The following ENTREP2 variants were observed in gnomAD, a reference collection of about 807,000 sequenced individuals.
ENTREP2 encodes protein ENTREP2.
the ENTREP2 span, among the ~76,000 whole-genome samples, chr15:29,183,436 G>C: frequency 2.0e-5 from 3 of 152,178 alleles, no homozygotes; most frequent in Non-Finnish European, 4.4e-5. Flanking sequence ...AAGTCTGCAG[G>C]CTGGAGAAAA....
the ENTREP2 span, among the ~76,000 whole-genome samples, chr15:29,590,186 G>A: frequency 2.6e-5 from 4 of 152,150 alleles, no homozygotes; most frequent in East Asian, 1.9e-4. Context: ...CTGGTTCCCT[G>A]AGTGTTCTCT....
chr15:29,407,842 G>GGT, the ENTREP2 span, among the ~76,000 whole-genome samples: 15 of 151,522 alleles, frequency 9.9e-5, no homozygotes, highest in African/African-American at 2.9e-4. Context: ...ATTTTTTGGG[G>GGT]TTTTTTTTGC....
At chr15:29,603,296 C>A in the ENTREP2 span, among the ~76,000 whole-genome samples, 1 of 152,200 alleles carries the variant, frequency 6.6e-6, no homozygotes, top group South Asian at 2.1e-4. Context: ...CCCAGAACAG[C>A]AGCATCAGCA....
the ENTREP2 span, among the ~76,000 whole-genome samples, chr15:29,544,380 T>C: frequency 6.6e-6 from 1 of 152,186 alleles, no homozygotes; most frequent in Admixed American, 6.6e-5. Context: ...GGTACAGAGC[T>C]TCACTTTTGC....
At chr15:29,593,592 C>G in the ENTREP2 span, among the ~76,000 whole-genome samples, 1 of 152,242 alleles carries the variant, frequency 6.6e-6, no homozygotes, top group Admixed American at 6.5e-5. Context: ...AGCTTGCTCA[C>G]TCAGCAATGT....
chr15:29,311,059 C>G, the ENTREP2 span, among the ~76,000 whole-genome samples: 2 of 150,194 alleles, frequency 1.3e-5, no homozygotes, highest in Non-Finnish European at 2.9e-5. Flanking sequence ...TGAAGAGGAC[C>G]CGTAAGGAGA....
chr15:29,674,645 G>C, the ENTREP2 span, among the ~76,000 whole-genome samples: 1 of 151,788 alleles, frequency 6.6e-6, no homozygotes. Context: ...TAAGAATATC[G>C]AGGGATGGAA....
chr15:29,644,813 TAAAAAAAA>T, the ENTREP2 span, among the ~76,000 whole-genome samples: 134 of 61,262 alleles, frequency 2.2e-3, 5 homozygotes, highest in South Asian at 0.056. Context: ...TCCATCTCCA[TAAAAAAAA>T]AAAAAAGAAA....
chr15:29,534,106 C>CAAAA, the ENTREP2 span, among the ~76,000 whole-genome samples: 76 of 44,924 alleles, frequency 1.7e-3, no homozygotes, highest in Non-Finnish European at 2.4e-3. Context: ...GCCCCTTGGC[C>CAAAA]AAAAAAAAAA....
chr15:29,653,045 C>T, the ENTREP2 span, among the ~76,000 whole-genome samples: 1 of 152,144 alleles, frequency 6.6e-6, no homozygotes, highest in Non-Finnish European at 1.5e-5. Flanking sequence ...ATCCTTGGAT[C>T]CATGTATCCC....
the ENTREP2 span, among the ~76,000 whole-genome samples, chr15:29,203,449 C>G: frequency 6.6e-6 from 1 of 152,176 alleles, no homozygotes; most frequent in Admixed American, 6.5e-5. Flanking sequence ...CACAGCCTCA[C>G]CAGCATCTGT....
chr15:29,654,435 C>T, the ENTREP2 span, among the ~76,000 whole-genome samples: 175 of 151,816 alleles, frequency 1.2e-3, 1 homozygote, highest in African/African-American at 3.5e-3. Flanking sequence ...GTAGAACATA[C>T]GCTTTGACAG....
chr15:29,646,218 C>T, the ENTREP2 span, among the ~76,000 whole-genome samples: 1 of 152,154 alleles, frequency 6.6e-6, no homozygotes, highest in Non-Finnish European at 1.5e-5. Flanking sequence ...AAACAGCACC[C>T]GTTGATCACC....
chr15:29,130,151 C>T, the ENTREP2 span, among the ~76,000 whole-genome samples: 44 of 152,296 alleles, frequency 2.9e-4, no homozygotes, highest in Non-Finnish European at 5.3e-4. Context: ...GCCCCCACAG[C>T]GTGGGGCTCG....
chr15:29,179,269 G>C, the ENTREP2 span, among the ~76,000 whole-genome samples: 1 of 152,236 alleles, frequency 6.6e-6, no homozygotes, highest in Non-Finnish European at 1.5e-5. Context: ...CTCCTGGACA[G>C]TGCAAGAACA....
the ENTREP2 span, chr15:29,570,746 C>T: frequency 1.1e-6 from 1 of 915,974 alleles, no homozygotes; most frequent in Non-Finnish European, 1.3e-6. Context: ...CCGCACGCCT[C>T]GCCCGCTCCC....
the ENTREP2 span, among the ~76,000 whole-genome samples, chr15:29,302,134 C>G: frequency 7.2e-4 from 110 of 152,166 alleles, no homozygotes; most frequent in African/African-American, 2.5e-3. Flanking sequence ...CATTTTCACT[C>G]TTCATCTTCA....
the ENTREP2 span, among the ~76,000 whole-genome samples, chr15:29,238,401 G>A: frequency 6.6e-6 from 1 of 152,064 alleles, no homozygotes. Flanking sequence ...GGGAGGCCGA[G>A]GTGGGCAGAT....
the ENTREP2 span, among the ~76,000 whole-genome samples, chr15:29,308,877 GAATGA>G: frequency 2.0e-5 from 3 of 152,276 alleles, no homozygotes; most frequent in East Asian, 5.8e-4. Context: ...CTCACCAGGA[GAATGA>G]AACATTCTTC....
Sources: allele counts gnomAD v4.1 joint callset (sites outside exome capture counted in the v4.1 genomes callset), GRCh38; gene constraint gnomAD v4.1.1; transcripts MANE v1.5; gene names NCBI Gene and HGNC (gene_info 2026-07-23, HGNC 2026-07-21).